MYH16: variants seen among roughly 807,000 people sequenced by gnomAD.
MYH16 encodes putative uncharacterized protein MYH16.
At chr7:99,286,655 C>A (rs1470614018) in intron 28 of MYH16, 2 of 152,026 alleles carry the variant, frequency 1.3e-5, no homozygotes, top group Non-Finnish European at 2.9e-5. Flanking sequence ...TGAGGAGAAA[C>A]CAACTAATAA....
intron 27 of MYH16, among the ~76,000 whole-genome samples, chr7:99,285,979 C>A (rs546877623): frequency 6.6e-6 from 1 of 152,354 alleles, no homozygotes; most frequent in South Asian, 2.1e-4. Flanking sequence ...CCAGTGTGGG[C>A]AAGACAGTGT....
chr7:99,296,489 C>T (rs1011512593), intron 33 of MYH16, among the ~76,000 whole-genome samples: 1 of 152,020 alleles, frequency 6.6e-6, no homozygotes, highest in Non-Finnish European at 1.5e-5. Context: ...ACACATCTCT[C>T]GGGGGAAGTT....
chr7:99,285,044 C>A (rs1023527053), intron 26 of MYH16, 109 bp downstream of exon 8: 17 of 434,660 alleles, frequency 3.9e-5, no homozygotes, highest in Admixed American at 2.9e-4. Flanking sequence ...AGCAAGACTG[C>A]CATAGAGTCC....
rs1411855674 is a variant in MYH16, at chr7:99,246,453, G to A, written n.355-1141G>A. Among the ~76,000 whole-genome samples, 3 of 152,182 alleles carry A rather than the reference G, an allele frequency of 2.0e-5. No homozygotes were observed. The East Asian group carries it at 5.8e-4, about 29-fold the overall frequency. On this transcript the variant is annotated intron_variant and non_coding_transcript_variant, in intron 2 of 41. Transcript: ENST00000439784. ...GCAGTGGCTCACACCTGTGATCCCA[G>A]CACTTTGGGAGGCTGAGGTGGGTGG...
In MYH16 at chr7:99,256,114, C is replaced by T. The variant is rs1791869304; in HGVS notation, n.996+429C>T. On this transcript the variant is annotated intron_variant and non_coding_transcript_variant, in intron 9 of 41. Transcript: ENST00000439784. ...CGATTCCTGATTTATCTTTGCCTTCCCCTCACCTAGTACCTGGCATGAAGC... is the reference window on the plus strand; with the variant it reads ...CGATTCCTGATTTATCTTTGCCTTCTCCTCACCTAGTACCTGGCATGAAGC... Among the ~76,000 whole-genome samples the T allele has an allele frequency of 2.0e-5, 3 of 151,822 alleles. No homozygotes were observed. In the South Asian group the frequency reaches 6.2e-4, roughly 32 times the overall value.
At position 99,302,317 on chromosome 7, in the gene MYH16, TACACACACACACAC is replaced by T. The variant is rs201230482; in HGVS notation, n.5137+547_5137+560del. 3.6e-4 allele frequency among the ~76,000 whole-genome samples: 34 copies of T among 95,564 alleles called. No homozygotes were observed. In the South Asian group the frequency reaches 6.5e-3, roughly 18 times the overall value. The allele number at this position is 95,564 out of a possible 152,430, so 62.7% of individuals were successfully genotyped here. A position where few individuals can be genotyped will look rare whatever the true frequency, so the allele number is the denominator to read the frequency against. Reference sequence around the variant, plus strand: ...ACCATCTCAAAAAAAAAAAAATATATACACACACACACACACACACACACACACACACACACACA... The same window carrying T: ...ACCATCTCAAAAAAAAAAAAATATATACACACACACACACACACACACACA... On this transcript the variant is annotated intron_variant and non_coding_transcript_variant, in intron 38 of 41. Transcript: ENST00000439784.
chr7:99,309,999 A>G (rs1792737715), downstream of MYH16, among the ~76,000 whole-genome samples: 1 of 152,192 alleles, frequency 6.6e-6, no homozygotes, highest in African/African-American at 2.4e-5. Context: ...CCTGGGCAAC[A>G]AGAGTGAGAG....
chr7:99,270,390 C>T (rs1214243596), intron 18 of MYH16, among the ~76,000 whole-genome samples: 2 of 147,292 alleles, frequency 1.4e-5, no homozygotes, highest in East Asian at 2.1e-4. Context: ...GGCGTGATCT[C>T]GGCTCACTAC....
At chr7:99,258,842 A>G (rs1036608059) in intron 11 of MYH16, among the ~76,000 whole-genome samples, 1 of 151,884 alleles carries the variant, frequency 6.6e-6, no homozygotes, top group Non-Finnish European at 1.5e-5. Flanking sequence ...CCCTTGTATT[A>G]GTCCATTTTC....
chr7:99,300,044 C>T (rs908620950), intron 37 of MYH16, among the ~76,000 whole-genome samples: 2 of 151,782 alleles, frequency 1.3e-5, no homozygotes, highest in Non-Finnish European at 2.9e-5. Flanking sequence ...ACTGTAACCT[C>T]TGCCTCCCAG....
chr7:99,280,556 C>A (rs1462528815), intron 22 of MYH16, among the ~76,000 whole-genome samples: 1 of 152,236 alleles, frequency 6.6e-6, no homozygotes, highest in African/African-American at 2.4e-5. Context: ...TCTGCCTAAA[C>A]TTGCGCTTCT....
chr7:99,275,932 T>C (rs1370203329), intron 20 of MYH16, among the ~76,000 whole-genome samples: 2 of 152,148 alleles, frequency 1.3e-5, no homozygotes, highest in African/African-American at 2.4e-5. Flanking sequence ...TTCACCATGT[T>C]GGCCAGGCTG....
In MYH16 at chr7:99,278,658, GGCCCATTGGTAGAAAACCCA is replaced by G. The variant is rs1312705974; in HGVS notation, n.2660-847_2660-828del. Among the ~76,000 whole-genome samples, 6 of 152,166 alleles carry G rather than the reference GGCCCATTGGTAGAAAACCCA, an allele frequency of 3.9e-5. No homozygotes were observed. The South Asian group carries it at 1.2e-3, about 32-fold the overall frequency. On this transcript the variant is annotated intron_variant and non_coding_transcript_variant, in intron 21 of 41. Coordinates refer to ENST00000439784, the Ensembl canonical transcript of MYH16. ...ATTTAGAGATTTGATCAAAGTCCCA[GGCCCATTGGTAGAAAACCCA>G]GCCCTGGAAGGGGCCCAATTCCATC...
chr7:99,252,515 G>A (rs1385551515), intron 6 of MYH16: 1 of 152,238 alleles, frequency 6.6e-6, no homozygotes, highest in East Asian at 1.9e-4. Context: ...CGATAAAGAG[G>A]CATGGGAGGT....
chr7:99,280,168 C>T (rs1047864549), intron 22 of MYH16, among the ~76,000 whole-genome samples: 1 of 152,262 alleles, frequency 6.6e-6, no homozygotes. Context: ...CCACCATACC[C>T]AGCCCACATG....
downstream of MYH16, among the ~76,000 whole-genome samples, chr7:99,308,228 C>T (rs1010491636): frequency 7.1e-6 from 1 of 140,028 alleles, no homozygotes; most frequent in Non-Finnish European, 1.5e-5. Flanking sequence ...CCAGGAGGCA[C>T]GAGTTGCAGT....
chr7:99,267,794 G>A (rs758083360), intron 18 of MYH16, among the ~76,000 whole-genome samples: 42 of 152,184 alleles, frequency 2.8e-4, no homozygotes, highest in Non-Finnish European at 2.9e-5. Context: ...GTGGTGCCAG[G>A]TGTCCTTCTA....
intron 2 of MYH16, among the ~76,000 whole-genome samples, chr7:99,243,789 TCATTCATCCATCCATCCATCCATC>T (rs1791696215): frequency 6.7e-6 from 1 of 150,184 alleles, no homozygotes; most frequent in Non-Finnish European, 1.5e-5. Context: ...ATCTATCCAT[TCATTCATCCATCCATCCATCCATC>T]CATTCATCCA....
chr7:99,309,331 G>A (rs556874507), downstream of MYH16, among the ~76,000 whole-genome samples: 1 of 152,242 alleles, frequency 6.6e-6, no homozygotes, highest in African/African-American at 2.4e-5. Flanking sequence ...GCTCAGTTAC[G>A]ATTCGCTATC....
Sources: allele counts gnomAD v4.1 joint callset (sites outside exome capture counted in the v4.1 genomes callset), GRCh38; gene constraint gnomAD v4.1.1; transcripts MANE v1.5; gene names NCBI Gene and HGNC (gene_info 2026-07-23, HGNC 2026-07-21).